The following MACROD2 variants were observed in gnomAD, a reference collection of about 807,000 sequenced individuals.
MACROD2 encodes ADP-ribose glycohydrolase MACROD2.
A neutral mutation model predicts 70.4 loss-of-function variants in MACROD2; 36 were observed. The observed-to-expected ratio is 0.51, with a 90% CI of 0.39 to 0.68. The LOEUF (loss-of-function observed/expected upper bound fraction) is 0.68, where lower values mean the gene tolerates loss of function less well. Ranked by LOEUF, MACROD2 falls within the 30% of genes least tolerant of loss-of-function variation. MACROD2 has a pLI of 0.00. For synonymous variants in MACROD2, 172 were observed against 178.8 expected (o/e 0.96, Z 0.30); for missense variants, 496 against 538.4 (o/e 0.92, Z 0.78).
chr20:14,317,238 T>A (rs1335496512), intron 3 of MACROD2, among the ~76,000 whole-genome samples: 1 of 152,180 alleles, frequency 6.6e-6, no homozygotes, highest in Non-Finnish European at 1.5e-5. Flanking sequence ...TAGGTTCTCT[T>A]GTTATGCTCA....
intron 11 of MACROD2, among the ~76,000 whole-genome samples, chr20:15,934,802 A>G (rs970722738): frequency 1.3e-5 from 2 of 151,644 alleles, no homozygotes; most frequent in African/African-American, 2.4e-5. Flanking sequence ...TGTTCAAGAG[A>G]TTTTCGTGCC....
intron 5 of MACROD2, among the ~76,000 whole-genome samples, chr20:14,823,885 T>C (rs889179634): frequency 2.0e-5 from 3 of 152,122 alleles, no homozygotes; most frequent in Non-Finnish European, 4.4e-5. Context: ...ATTATGATAT[T>C]GTAAGATATG....
Position 15,898,567 on chromosome 20 carries a change from A to AAC in MACROD2, c.775+12757_775+12758insCA, listed in dbSNP as rs1555792327. 3.3e-5 allele frequency among the ~76,000 whole-genome samples: 5 copies of AAC among 151,452 alleles called. No individual in the cohort carries two copies. The East Asian group carries it at 5.8e-4, about 18-fold the overall frequency. On this transcript the variant is annotated intron_variant, in intron 10 of 17. Transcript: ENST00000684519. ...CTCAGTCTAAAAAAAAAAAAAAAAA[A>AAC]AAACAAATTCTAGGTTCACGTCCCA...
At chr20:14,962,481 T>C (rs1358790377) in intron 5 of MACROD2, among the ~76,000 whole-genome samples, 1 of 149,884 alleles carries the variant, frequency 6.7e-6, no homozygotes, top group African/African-American at 2.4e-5. Flanking sequence ...TATATAGTTA[T>C]GTTTGTTTTG....
intron 5 of MACROD2, among the ~76,000 whole-genome samples, chr20:14,776,086 C>T (rs1425529894): frequency 6.6e-6 from 1 of 151,960 alleles, no homozygotes. Flanking sequence ...CATGACTGCT[C>T]ATCAGTCAGG....
At chr20:15,875,955 A>G (rs2064661778) in intron 9 of MACROD2, among the ~76,000 whole-genome samples, 1 of 151,066 alleles carries the variant, frequency 6.6e-6, no homozygotes, top group Non-Finnish European at 1.5e-5. Context: ...TAGGAATAAT[A>G]TATCAATAAA....
chr20:14,744,326 T>A (rs188294535), intron 5 of MACROD2, among the ~76,000 whole-genome samples: 1,628 of 152,266 alleles, frequency 0.011, 17 homozygotes, highest in African/African-American at 0.036. Context: ...TTTAAAAAAA[T>A]TTTTTAATTG....
At chr20:14,354,851 T>C (rs2083157946) in intron 3 of MACROD2, among the ~76,000 whole-genome samples, 1 of 152,230 alleles carries the variant, frequency 6.6e-6, no homozygotes, top group South Asian at 2.1e-4. Flanking sequence ...GAGTATCCAG[T>C]GTTTAGCTCC....
At chr20:14,431,366 G>T (rs1406528488) in intron 3 of MACROD2, among the ~76,000 whole-genome samples, 1 of 152,044 alleles carries the variant, frequency 6.6e-6, no homozygotes, top group Admixed American at 6.6e-5. Flanking sequence ...AGGGTGGGAT[G>T]GAGCTTAGAA....
chr20:15,607,177 C>G (rs926790096), intron 8 of MACROD2, among the ~76,000 whole-genome samples: 1 of 152,110 alleles, frequency 6.6e-6, no homozygotes, highest in African/African-American at 2.4e-5. Flanking sequence ...CAATGGGAAA[C>G]TAACATACAA....
chr20:14,753,922 A>G lies in MACROD2; in HGVS notation c.418+68963A>G, dbSNP rs141328005. Among the ~76,000 whole-genome samples, 3 of 152,222 alleles carry G rather than the reference A, an allele frequency of 2.0e-5. No individual in the cohort carries two copies. The East Asian group carries it at 5.8e-4, about 29-fold the overall frequency. ...CAAATTTTTGTTTCATGAACTGGGA[A>G]CTGTGACTTGATAACAGGAAATATG... On this transcript the variant is annotated intron_variant, in intron 5 of 17. Transcript: ENST00000684519.
At chr20:14,076,830 C>T (rs1342648234) in intron 2 of MACROD2, among the ~76,000 whole-genome samples, 1 of 152,034 alleles carries the variant, frequency 6.6e-6, no homozygotes, top group Non-Finnish European at 1.5e-5. Context: ...CTTAGGTTTG[C>T]TGATCAGATA....
chr20:15,021,862 C>G (rs1238974693), intron 5 of MACROD2, among the ~76,000 whole-genome samples: 3 of 151,926 alleles, frequency 2.0e-5, no homozygotes, highest in African/African-American at 4.8e-5. Flanking sequence ...AATAATATAT[C>G]AATACTGGTT....
intron 2 of MACROD2, among the ~76,000 whole-genome samples, chr20:14,050,714 A>G (rs2053555225): frequency 6.6e-6 from 1 of 152,242 alleles, no homozygotes; most frequent in Admixed American, 6.5e-5. Context: ...CAAGGTAGCT[A>G]AAAATTCAAA....
chr20:15,441,234 G>C (rs1002246396), intron 7 of MACROD2, among the ~76,000 whole-genome samples: 13 of 152,070 alleles, frequency 8.5e-5, no homozygotes, highest in Non-Finnish European at 1.8e-4. Context: ...ATATGGTACA[G>C]ACTCCTCTCG....
chr20:15,059,276 T>G (rs1323188283), intron 5 of MACROD2, among the ~76,000 whole-genome samples: 1 of 151,882 alleles, frequency 6.6e-6, no homozygotes, highest in African/African-American at 2.4e-5. Flanking sequence ...TCACAGCTAC[T>G]CAGGAGGCTG....
At chr20:15,660,457 T>G (rs1243878686) in intron 8 of MACROD2, among the ~76,000 whole-genome samples, 1 of 152,164 alleles carries the variant, frequency 6.6e-6, no homozygotes, top group African/African-American at 2.4e-5. Flanking sequence ...TTTTTCAGAT[T>G]TATTTAGAAA....
chr20:15,660,545 G>T (rs1479440134), intron 8 of MACROD2, among the ~76,000 whole-genome samples: 1 of 152,064 alleles, frequency 6.6e-6, no homozygotes, highest in Non-Finnish European at 1.5e-5. Flanking sequence ...CATATTTCAG[G>T]CTTTTAATTT....
chr20:14,415,423 T>C (rs1471820331), intron 3 of MACROD2, among the ~76,000 whole-genome samples: 2 of 152,026 alleles, frequency 1.3e-5, no homozygotes, highest in African/African-American at 4.8e-5. Context: ...CGGCCAATTG[T>C]GTGACCACCA....
Sources: allele counts gnomAD v4.1 joint callset (sites outside exome capture counted in the v4.1 genomes callset), GRCh38; gene constraint gnomAD v4.1.1; transcripts MANE v1.5; gene names NCBI Gene and HGNC (gene_info 2026-07-23, HGNC 2026-07-21).